Variants in RC3H2 observed in about 807,000 individuals in gnomAD.
The protein encoded by RC3H2 is roquin-2.
A neutral mutation model predicts 133.3 loss-of-function variants in RC3H2; 31 were observed. The ratio of observed to expected loss-of-function variants is 0.23; its 90% CI spans 0.17 to 0.31. The LOEUF is 0.31. RC3H2 is among the 10% of genes least tolerant of loss of function. The pLI is 1.00. For missense variants in RC3H2, 1,175 were observed against 1,437.2 expected (o/e 0.82, Z 2.95); for synonymous variants, 517 against 502.2 (o/e 1.03, Z -0.40).
rs188371608 is a variant in RC3H2 at position 122,868,353 on chromosome 9, G to A, written c.1326-2696C>T. On this transcript the variant is annotated intron_variant, in intron 9 of 20. Coordinates refer to ENST00000357244, the MANE Select transcript of RC3H2 (RefSeq NM_001100588.3). ...AATCGGATGGTTGCCGTGTCTGTGT[G>A]GAAAGAAGTAGACATGGGAGACTTT... Among the ~76,000 whole-genome samples, 393 of 152,260 alleles carry A rather than the reference G, an allele frequency of 2.6e-3. 1 individual carries two copies. The highest frequency in any genetic ancestry group is 3.7e-3 in the Non-Finnish European group (254 of 68,026).
chr9:122,859,741 A>C (rs2131396159), intron 11 of RC3H2, among the ~76,000 whole-genome samples, 176 bp downstream of exon 11: 1 of 152,338 alleles, frequency 6.6e-6, no homozygotes. Flanking sequence ...ATTTGTAGGA[A>C]TGACAACCTT....
chr9:122,853,807 TTTTA>T, intron 18 of RC3H2, 141 bp downstream of exon 18: 1 of 1,507,424 alleles, frequency 6.6e-7, no homozygotes, highest in Non-Finnish European at 8.9e-7. Context: ...GGGATTACAA[TTTTA>T]TTTCTGTTAT....
At chr9:122,852,800 G>T (rs1355559256) in intron 18 of RC3H2, among the ~76,000 whole-genome samples, 1 of 151,566 alleles carries the variant, frequency 6.6e-6, no homozygotes, top group South Asian at 2.1e-4. Context: ...CCATCCGGGA[G>T]GTGAGGGGCG....
intron 20 of RC3H2, among the ~76,000 whole-genome samples, chr9:122,850,113 A>G (rs922134806): frequency 6.6e-6 from 1 of 152,004 alleles, no homozygotes; most frequent in African/African-American, 2.4e-5. Flanking sequence ...AGTAGCTGGG[A>G]TTACAGGCAT....
intron 10 of RC3H2, among the ~76,000 whole-genome samples, chr9:122,865,019 T>C (rs968238409): frequency 2.0e-5 from 3 of 152,152 alleles, no homozygotes; most frequent in African/African-American, 4.8e-5. Flanking sequence ...TTCTATTTAG[T>C]TCTTTTCTGG....
At chr9:122,904,389 C>T (rs1832763338) in intron 1 of RC3H2, among the ~76,000 whole-genome samples, 1 of 152,218 alleles carries the variant, frequency 6.6e-6, no homozygotes. Context: ...CCCTCATCTT[C>T]TCCCATCCTG....
At chr9:122,869,701 CATTAT>C in intron 9 of RC3H2, among the ~76,000 whole-genome samples, 2 of 151,558 alleles carry the variant, frequency 1.3e-5, no homozygotes, top group Non-Finnish European at 2.9e-5. Flanking sequence ...TACAGGTGCA[CATTAT>C]AGGCGCGCGC....
chr9:122,853,756 A>C, intron 18 of RC3H2, 196 bp downstream of exon 18: 1 of 1,409,536 alleles, frequency 7.1e-7, no homozygotes, highest in Non-Finnish European at 9.4e-7. Context: ...CAAAAAAACA[A>C]AAATCCCGAT....
intron 1 of RC3H2, among the ~76,000 whole-genome samples, chr9:122,899,893 C>T (rs1832590847): frequency 2.6e-5 from 4 of 152,180 alleles, no homozygotes; most frequent in Admixed American, 1.3e-4. Context: ...TATCACAGGC[C>T]ACCTGGTAGT....
At chr9:122,853,890 C>G in intron 18 of RC3H2, 62 bp downstream of exon 18, 1 of 1,614,114 alleles carries the variant, frequency 6.2e-7, no homozygotes, top group Non-Finnish European at 8.5e-7. Flanking sequence ...ATGGTATAAC[C>G]AAGATGCAGC....
intron 9 of RC3H2, among the ~76,000 whole-genome samples, chr9:122,876,901 T>C (rs1232321068): frequency 1.3e-5 from 2 of 152,184 alleles, no homozygotes; most frequent in African/African-American, 4.8e-5. Context: ...GCTTTACCAT[T>C]TTGCCTGAGA....
Position 122,849,802 on chromosome 9 carries a change from A to G in RC3H2, c.3401T>C (p.Leu1134Pro). ...HVILEEQKTILPVTSCFSQPL... is the reference protein window; with the variant it reads ...HVILEEQKTIPPVTSCFSQPL... ...CTGGCTAAAGCAAGAAGTTACCGGCAGAATTGTTTTTTGCTCCTCCCTGAG... is the reference window on the plus strand; with the variant it reads ...CTGGCTAAAGCAAGAAGTTACCGGCGGAATTGTTTTTTGCTCCTCCCTGAG... Residue 1134 changes from leucine to proline, a missense_variant, in exon 21 of 21, where the codon CTG becomes CCG. Transcript: ENST00000357244. 6.4e-7 allele frequency: 1 copy of G among 1,567,538 alleles called. No individual in the cohort carries two copies. Among genetic ancestry groups the G allele is most frequent in the South Asian group, 1.2e-5 (1 of 83,760 alleles).
At chr9:122,865,910 T>C (rs199608083) in intron 9 of RC3H2, among the ~76,000 whole-genome samples, 1 of 139,056 alleles carries the variant, frequency 7.2e-6, no homozygotes, top group South Asian at 2.3e-4. Flanking sequence ...TATTTTTTTT[T>C]CCCCTCATGC....
chr9:122,897,193 G>T, intron 2 of RC3H2, 86 bp downstream of exon 2: 1 of 1,170,524 alleles, frequency 8.5e-7, no homozygotes, highest in Non-Finnish European at 1.2e-6. Context: ...GCCACATGTA[G>T]CCTGCAGGCT....
chr9:122,886,215 C>T (rs1831905731), intron 4 of RC3H2, among the ~76,000 whole-genome samples: 1 of 152,100 alleles, frequency 6.6e-6, no homozygotes, highest in African/African-American at 2.4e-5. Flanking sequence ...GAAGCTCATC[C>T]ACATGCAGCA....
Position 122,846,862 on chromosome 9 carries a change from A to G in RC3H2, c.*2765T>C, listed in dbSNP as rs1340407269. On this transcript the variant is annotated 3_prime_UTR_variant, in exon 21 of 21. Coordinates refer to ENST00000357244, the MANE Select transcript of RC3H2 (RefSeq NM_001100588.3). Reference sequence around the variant, plus strand: ...ATGATATCAGTAGGTACCATTCTGAAGAAGGATCAGATGAACTGCCCTTTC... The same window carrying G: ...ATGATATCAGTAGGTACCATTCTGAGGAAGGATCAGATGAACTGCCCTTTC... 2 of 152,196 alleles carry G rather than the reference A, an allele frequency of 1.3e-5. No individual in the cohort carries two copies. The highest frequency in any genetic ancestry group is 2.9e-5 in the Non-Finnish European group (2 of 68,014). The allele number at this position is 152,196 out of a possible 1,614,324, so 9.4% of individuals were successfully genotyped here. A position where few individuals can be genotyped will look rare whatever the true frequency, so the allele number is the denominator to read the frequency against.
chr9:122,893,690 TG>T (rs1385919452), intron 2 of RC3H2, among the ~76,000 whole-genome samples: 1 of 152,292 alleles, frequency 6.6e-6, no homozygotes, highest in Non-Finnish European at 1.5e-5. Flanking sequence ...GCAACTTTTT[TG>T]TAAGTCTGAA....
Position 122,892,832 on chromosome 9 carries a change from G to A in RC3H2, c.349+77C>T. The A allele has an allele frequency of 2.8e-6, 3 of 1,081,580 alleles. No individual in the cohort carries two copies. The South Asian group carries it at 4.0e-5, about 14-fold the overall frequency. 67.0% of individuals were successfully genotyped at this position (1,081,580 alleles called of 1,614,324 possible). ...AACTCCTTTTCCATAACTTAATAGG[G>A]TATCCACATCAAGTCATTCAAAGTA... On this transcript the variant is annotated intron_variant, in intron 3 of 20. Coordinates refer to ENST00000357244, the MANE Select transcript of RC3H2 (RefSeq NM_001100588.3).
Position 122,849,808 on chromosome 9 carries a change from G to A in RC3H2, c.3395C>T (p.Thr1132Ile). The A allele has an allele frequency of 6.4e-7, 1 of 1,567,598 alleles. No homozygotes were observed. The highest frequency in any genetic ancestry group is 8.6e-7 in the Non-Finnish European group (1 of 1,160,286). Residue 1132 changes from threonine (T) to isoleucine (I), a missense_variant, in exon 21 of 21, where the codon ACA becomes ATA. Thr to Ile is a moderately conservative substitution (Grantham distance 89, BLOSUM62 -1). Around this residue, in one of 8 missense-constraint regions of RC3H2, gnomAD observed 220 missense variants for 201.1 expected, o/e 1.09. Coordinates refer to ENST00000357244, the MANE Select transcript of RC3H2 (RefSeq NM_001100588.3). ...EDHVILEEQK[T>I]ILPVTSCFSQ... The stretch of plus-strand genomic sequence containing the variant: ...AAAGCAAGAAGTTACCGGCAGAATT[G>A]TTTTTTGCTCCTCCCTGAGAAAAAA...
Sources: allele counts gnomAD v4.1 joint callset (sites outside exome capture counted in the v4.1 genomes callset), GRCh38; gene constraint gnomAD v4.1.1; regional missense constraint gnomAD v4.1.1; transcripts MANE v1.5; gene names NCBI Gene and HGNC (gene_info 2026-07-23, HGNC 2026-07-21).